BMP5: variants seen among roughly 807,000 people sequenced by gnomAD.
BMP5 encodes bone morphogenetic protein 5.
BMP5 carries 23 observed loss-of-function variants against 46.6 expected under a neutral mutation model. That is an observed-to-expected ratio of 0.49 (90% CI 0.35 to 0.70). The LOEUF (loss-of-function observed/expected upper bound fraction) is 0.70. Ranked by LOEUF, BMP5 falls within the 30% of genes least tolerant of loss-of-function variation. The pLI is 0.00. For synonymous variants in BMP5, 204 were observed against 191.9 expected (o/e 1.06, Z -0.52); for missense variants, 545 against 565.6 (o/e 0.96, Z 0.37).
rs371511762 is a variant in BMP5, at chr6:55,771,438, G to A, written c.1027+2611C>T. Among the ~76,000 whole-genome samples, 714 of 121,398 alleles carry A rather than the reference G, an allele frequency of 5.9e-3. 5 individuals carry two copies. Among genetic ancestry groups the A allele is most frequent in the African/African-American group, 0.02 (679 of 34,306 alleles). The allele number at this position is 121,398 out of a possible 152,430, so 79.6% of individuals were successfully genotyped here. A position where few individuals can be genotyped will look rare whatever the true frequency, so the allele number is the denominator to read the frequency against. On this transcript the variant is annotated intron_variant, in intron 4 of 6. Transcript: ENST00000370830. ...AACCTGAAGAGGAACAAGCAGTGCC[G>A]GGCAGTTTCTGCAGGAAACCTGGAA...
chr6:55,830,699 T>A (rs1287758296), intron 1 of BMP5, among the ~76,000 whole-genome samples: 2 of 152,118 alleles, frequency 1.3e-5, no homozygotes, highest in African/African-American at 4.8e-5. Context: ...GTAATCCATC[T>A]AACTAACTCA....
intron 1 of BMP5, among the ~76,000 whole-genome samples, chr6:55,825,987 A>G (rs749717076): frequency 2.6e-5 from 4 of 151,914 alleles, no homozygotes; most frequent in African/African-American, 9.7e-5. Context: ...GTTGCATTGT[A>G]AAAGTGAAAA....
rs1192841668 is a variant in BMP5 at position 55,794,480 on chromosome 6, A to G, written c.684-53T>C. On this transcript the variant is annotated intron_variant, in intron 2 of 6. Coordinates refer to ENST00000370830, the MANE Select transcript of BMP5 (RefSeq NM_021073.4). ...GTTAAAGGTTTAAATGAACATCATT[A>G]TTTCCTAGACTTAAGTGAAAACATT... is the stretch of plus-strand genomic sequence containing the variant. 11 of 1,555,976 alleles carry G rather than the reference A, an allele frequency of 7.1e-6. No homozygotes were observed. The South Asian group carries it at 1.0e-4, about 14-fold the overall frequency.
At chr6:55,807,234 A>T (rs1323662332) in intron 2 of BMP5, among the ~76,000 whole-genome samples, 1 of 151,882 alleles carries the variant, frequency 6.6e-6, no homozygotes, top group Non-Finnish European at 1.5e-5. Context: ...TTATTTTGAG[A>T]TTTTTTCATC....
intron 1 of BMP5, among the ~76,000 whole-genome samples, chr6:55,838,797 G>T (rs1187049042): frequency 6.6e-6 from 1 of 152,096 alleles, no homozygotes; most frequent in Non-Finnish European, 1.5e-5. Context: ...TGATGCTTTT[G>T]CTGCCATGCT....
At chr6:55,762,547 T>A (rs546974321) in intron 4 of BMP5, among the ~76,000 whole-genome samples, 9 of 152,280 alleles carry the variant, frequency 5.9e-5, no homozygotes, top group African/African-American at 1.9e-4. Flanking sequence ...GAGGATTTAT[T>A]TCAGACTCTA....
At chr6:55,813,506 T>C (rs1776181861) in intron 2 of BMP5, among the ~76,000 whole-genome samples, 5 of 151,798 alleles carry the variant, frequency 3.3e-5, no homozygotes, top group Admixed American at 3.3e-4. Context: ...AAAATGTAAT[T>C]TGGCCGGGCG....
intron 2 of BMP5, among the ~76,000 whole-genome samples, chr6:55,799,804 C>G (rs1233884178): frequency 6.6e-6 from 1 of 152,168 alleles, no homozygotes; most frequent in Non-Finnish European, 1.5e-5. Context: ...GCTTCTGTTC[C>G]TAAGTCCCTA....
chr6:55,822,187 T>C lies in BMP5; in HGVS notation c.491-2340A>G, dbSNP rs528399098. ...AATCCATGGTTGTTAAATGTCAGGA[T>C]ATGCTGCGTCTGCTAACACACTATG... On this transcript the variant is annotated intron_variant, in intron 1 of 6. Coordinates refer to ENST00000370830, the MANE Select transcript of BMP5 (RefSeq NM_021073.4). 2.6e-5 allele frequency among the ~76,000 whole-genome samples: 4 copies of C among 152,292 alleles called. No homozygotes were observed. In the South Asian group the frequency reaches 8.3e-4, roughly 32 times the overall value.
At chr6:55,844,112 G>C (rs1335837414) in intron 1 of BMP5, among the ~76,000 whole-genome samples, 2 of 151,910 alleles carry the variant, frequency 1.3e-5, no homozygotes, top group African/African-American at 4.8e-5. Context: ...AACAAAGTAT[G>C]ATATTATTTA....
intron 3 of BMP5, among the ~76,000 whole-genome samples, chr6:55,792,460 G>A (rs942916964): frequency 6.6e-6 from 1 of 151,748 alleles, no homozygotes; most frequent in African/African-American, 2.4e-5. Context: ...CTTGAATCGG[G>A]GAGGCAGAGC....
At chr6:55,763,034 T>A (rs1478289664) in intron 4 of BMP5, among the ~76,000 whole-genome samples, 1 of 152,130 alleles carries the variant, frequency 6.6e-6, no homozygotes, top group Admixed American at 6.5e-5. Context: ...TTTTCAAATG[T>A]AAAGACCACT....
intron 3 of BMP5, among the ~76,000 whole-genome samples, chr6:55,776,854 T>C (rs1775185818): frequency 6.6e-6 from 1 of 151,930 alleles, no homozygotes; most frequent in Admixed American, 6.6e-5. Flanking sequence ...CTTTCAATAT[T>C]TTAATTTTTA....
intron 1 of BMP5, among the ~76,000 whole-genome samples, chr6:55,828,930 CTA>C (rs1337494271): frequency 6.6e-6 from 1 of 151,692 alleles, no homozygotes; most frequent in Non-Finnish European, 1.5e-5. Flanking sequence ...AAAAGACAAA[CTA>C]TGAATTTTTC....
At chr6:55,783,071 G>A (rs1297744417) in intron 3 of BMP5, among the ~76,000 whole-genome samples, 1 of 152,058 alleles carries the variant, frequency 6.6e-6, no homozygotes, top group Non-Finnish European at 1.5e-5. Context: ...TAGTTTCCAA[G>A]AATAATGTTA....
chr6:55,778,165 A>G (rs959159834), intron 3 of BMP5, among the ~76,000 whole-genome samples: 33 of 152,174 alleles, frequency 2.2e-4, no homozygotes, highest in Admixed American at 2.0e-3. Flanking sequence ...TCCAATTGCA[A>G]GAGAAAAATT....
intron 3 of BMP5, among the ~76,000 whole-genome samples, chr6:55,783,862 T>G (rs2127525105): frequency 6.6e-6 from 1 of 152,058 alleles, no homozygotes; most frequent in South Asian, 2.1e-4. Flanking sequence ...GAAATACAGA[T>G]GTAGCCAAGC....
chr6:55,857,288 C>A (rs1230472385), intron 1 of BMP5, among the ~76,000 whole-genome samples: 1 of 152,110 alleles, frequency 6.6e-6, no homozygotes, highest in East Asian at 1.9e-4. Flanking sequence ...TGCTATGATA[C>A]AGTATTGAGA....
chr6:55,808,199 G>A (rs1776038541), intron 2 of BMP5, among the ~76,000 whole-genome samples: 1 of 152,184 alleles, frequency 6.6e-6, no homozygotes, highest in Admixed American at 6.5e-5. Context: ...AGCTCCTGCA[G>A]GAAGGCCCTG....
Sources: allele counts gnomAD v4.1 joint callset (sites outside exome capture counted in the v4.1 genomes callset), GRCh38; gene constraint gnomAD v4.1.1; transcripts MANE v1.5; gene names NCBI Gene and HGNC (gene_info 2026-07-23, HGNC 2026-07-21).